Variants in AFP observed in about 807,000 individuals in gnomAD.
AFP encodes the protein alpha fetoprotein.
A neutral mutation model predicts 78.9 loss-of-function variants in AFP; 64 were observed. The ratio of observed to expected loss-of-function variants is 0.81; its 90% CI spans 0.66 to 1.00. The LOEUF is 1.00. Ranked by LOEUF, AFP falls within the 50% of genes least tolerant of loss-of-function variation. The pLI, the probability that AFP is intolerant of heterozygous loss-of-function variation, is 0.00. For synonymous variants in AFP, 254 were observed against 243.8 expected (o/e 1.04, Z -0.39); for missense variants, 689 against 703.8 (o/e 0.98, Z 0.24).
At chr4:73,454,113 G>T (rs940891513) in intron 13 of AFP, among the ~76,000 whole-genome samples, 2 of 151,510 alleles carry the variant, frequency 1.3e-5, no homozygotes, top group Non-Finnish European at 2.9e-5. Flanking sequence ...TATATTAATA[G>T]AATTAGTAAT....
At chr4:73,453,582 AC>A in intron 12 of AFP, 182 bp from the exon 13 acceptor site, 2 of 662,482 alleles carry the variant, frequency 3.0e-6, no homozygotes, top group Non-Finnish European at 5.2e-6. Context: ...CTGGTGGAAC[AC>A]TTGGCATGCT....
chr4:73,449,447 C>T lies in AFP; in HGVS notation c.1171C>T (p.Leu391Phe), dbSNP rs373915432. The change falls in exon 9 of 15, where the codon CTT becomes TTT. Residue 391 changes from leucine (L) to phenylalanine (F), a missense_variant. Physicochemically the swap from Leu to Phe is conservative, Grantham distance 22. Coordinates refer to ENST00000395792, the MANE Select transcript of AFP (RefSeq NM_001134.3). Reference sequence around the variant, plus strand: ...GAAGTGTTTCCAGACTGAAAACCCTCTTGAATGCCAAGATAAAGGAGTAAG... The same window carrying T: ...GAAGTGTTTCCAGACTGAAAACCCTTTTGAATGCCAAGATAAAGGAGTAAG... ...LEKCFQTENP[L>F]ECQDKGEEEL... 3.6e-5 allele frequency: 58 copies of T among 1,613,546 alleles called. No homozygotes were observed. The South Asian group carries it at 3.6e-4, about 10-fold the overall frequency.
intron 4 of AFP, 129 bp downstream of exon 4, chr4:73,440,942 C>A: frequency 1.1e-6 from 1 of 933,794 alleles, no homozygotes; most frequent in Non-Finnish European, 1.6e-6. Flanking sequence ...GTTGTGTCTG[C>A]TGAGGTCCCA....
chr4:73,442,513 T>A, intron 5 of AFP, 85 bp downstream of exon 5: 1 of 1,502,724 alleles, frequency 6.7e-7, no homozygotes, highest in Non-Finnish European at 9.2e-7. Context: ...AAAACGTGCT[T>A]AATTGTGGAG....
At chr4:73,455,140 A>G in intron 13 of AFP, 96 bp from the exon 14 acceptor site, 2 of 1,003,428 alleles carry the variant, frequency 2.0e-6, no homozygotes, top group Admixed American at 1.7e-5. Flanking sequence ...GTTAATCTAC[A>G]AACCTATGAA....
At position 73,447,583 on chromosome 4, in the gene AFP, AACC is replaced by A. The variant is rs757901114; in HGVS notation, c.966_968del (p.Lys322_Pro323delinsAsn). 59 of 1,612,492 alleles carry A rather than the reference AACC, an allele frequency of 3.7e-5. No homozygotes were observed. Among genetic ancestry groups the A allele is most frequent in the Admixed American group, 1.7e-5 (1 of 59,990 alleles). The stretch of plus-strand genomic sequence containing the variant: ...ATAATTCATGCAGAAAATGATGAAA[AACC>A]TGAAGGTCTATCTCCAAATCTAAAC... On this transcript the variant is annotated inframe_deletion, in exon 8 of 15. Transcript: ENST00000395792.
rs749290847 is a variant in AFP, at chr4:73,450,028, A to G, written c.1192-8A>G. 1 of 1,603,220 alleles carries G rather than the reference A, an allele frequency of 6.2e-7. No homozygotes were observed. Among genetic ancestry groups the G allele is most frequent in the Non-Finnish European group, 8.5e-7 (1 of 1,170,966 alleles). On this transcript the variant is annotated splice_region_variant and splice_polypyrimidine_tract_variant and intron_variant, in intron 9 of 14. Coordinates refer to ENST00000395792, the MANE Select transcript of AFP (RefSeq NM_001134.3). ...AAAAATGTATATGTAATAATTCTTC[A>G]TTTTCAGGAAGAAGAATTACAGAAA... is the stretch of plus-strand genomic sequence containing the variant.
intron 8 of AFP, among the ~76,000 whole-genome samples, chr4:73,448,255 T>C (rs1719891052): frequency 6.6e-6 from 1 of 152,144 alleles, no homozygotes; most frequent in Non-Finnish European, 1.5e-5. Flanking sequence ...TAGGTCACGT[T>C]CTCACTCTAT....
At chr4:73,447,358 C>A in intron 7 of AFP, 104 bp from the exon 8 acceptor site, 1 of 694,514 alleles carries the variant, frequency 1.4e-6, no homozygotes. Flanking sequence ...TTTCTTTGTT[C>A]CCTTCTCCCT....
intron 2 of AFP, 147 bp from the exon 3 acceptor site, chr4:73,438,027 C>A: frequency 8.6e-7 from 1 of 1,169,116 alleles, no homozygotes; most frequent in South Asian, 1.6e-5. Context: ...GACCTGGAAG[C>A]TAATTTTACA....
At position 73,455,651 on chromosome 4, in the gene AFP, G is replaced by A. The variant is rs772440145; in HGVS notation, c.*31G>A. 37 of 695,452 alleles carry A rather than the reference G, an allele frequency of 5.3e-5. No homozygotes were observed. The highest frequency in any genetic ancestry group is 1.9e-4 in the Admixed American group (9 of 48,420). 43.1% of individuals were successfully genotyped at this position (695,452 alleles called of 1,614,324 possible). A position where few individuals can be genotyped will look rare whatever the true frequency, so the allele number is the denominator to read the frequency against. On this transcript the variant is annotated 3_prime_UTR_variant, in exon 15 of 15. Transcript: ENST00000395792. ...TGCAGGGGAAGAGAAGACAAAACGA[G>A]TCTTTCATTCGGTGTGAACTTTTCT...
intron 7 of AFP, among the ~76,000 whole-genome samples, chr4:73,446,929 G>A (rs1719847082): frequency 6.6e-6 from 1 of 152,194 alleles, no homozygotes; most frequent in African/African-American, 2.4e-5. Flanking sequence ...TGGGGAGAAA[G>A]CACTAAAACG....
At chr4:73,442,555 G>A (rs1719701101) in intron 5 of AFP, 127 bp downstream of exon 5, 2 of 1,131,442 alleles carry the variant, frequency 1.8e-6, no homozygotes, top group Non-Finnish European at 2.6e-6. Flanking sequence ...AAATAGTTCA[G>A]CAGTCTGATA....
rs1001123565 is a variant in AFP at position 73,455,749 on chromosome 4, A to G, written c.*129A>G. 8 of 649,504 alleles carry G rather than the reference A, an allele frequency of 1.2e-5. No homozygotes were observed. Among genetic ancestry groups the G allele is most frequent in the African/African-American group, 3.7e-5 (2 of 53,856 alleles). The allele number at this position is 649,504 out of a possible 1,614,324, so 40.2% of individuals were successfully genotyped here. A position where few individuals can be genotyped will look rare whatever the true frequency, so the allele number is the denominator to read the frequency against. ...AAAGACTTTTATGTGAGATTTCCTTATCACAGAAATAAAATATCTCCAAAT... is the reference window on the plus strand; with the variant it reads ...AAAGACTTTTATGTGAGATTTCCTTGTCACAGAAATAAAATATCTCCAAAT... On this transcript the variant is annotated 3_prime_UTR_variant, in exon 15 of 15. Transcript: ENST00000395792.
rs757110998 is a variant in AFP at position 73,450,111 on chromosome 4, G to C, written c.1267G>C (p.Gly423Arg). ...AAGCTGCGGCCTCTTCCAGAAACTAGGAGAATATTACTTACAAAATGCGTA... is the reference window on the plus strand; with the variant it reads ...AAGCTGCGGCCTCTTCCAGAAACTACGAGAATATTACTTACAAAATGCGTA... Reference protein sequence around the residue: ...KRSCGLFQKLGEYYLQNAFLV... With the variant: ...KRSCGLFQKLREYYLQNAFLV... The change falls in exon 10 of 15, where the codon GGA (glycine) becomes CGA (arginine). Residue 423 changes from glycine to arginine, a missense_variant. By Grantham distance (125) the Gly-to-Arg change is moderately radical (BLOSUM62 -2). Transcript: ENST00000395792. 1 of 1,612,730 alleles carries C rather than the reference G, an allele frequency of 6.2e-7. No homozygotes were observed.
Position 73,455,848 on chromosome 4 carries a change from AG to A in AFP, c.*229del. 1.8e-6 allele frequency: 1 copy of A among 568,408 alleles called. No individual in the cohort carries two copies. The highest frequency in any genetic ancestry group is 3.1e-6 in the Non-Finnish European group (1 of 325,024). The allele number at this position is 568,408 out of a possible 1,614,324, so 35.2% of individuals were successfully genotyped here. A position where few individuals can be genotyped will look rare whatever the true frequency, so the allele number is the denominator to read the frequency against. ...TTTAGTTTTGTATACCATTGTCTGA[AG>A]CAGATTCTGTTAAAATAGCATTAAG... is the stretch of plus-strand genomic sequence containing the variant. On this transcript the variant is annotated 3_prime_UTR_variant, in exon 15 of 15. Transcript: ENST00000395792.
intron 6 of AFP, 131 bp downstream of exon 6, chr4:73,443,575 A>G: frequency 1.4e-6 from 1 of 708,674 alleles, no homozygotes. Flanking sequence ...GATGAGGGCT[A>G]ATGGGATTAG....
intron 11 of AFP, 86 bp from the exon 12 acceptor site, chr4:73,452,315 T>A: frequency 9.5e-7 from 1 of 1,053,708 alleles, no homozygotes; most frequent in South Asian, 1.3e-5. Flanking sequence ...GCATTAGAAA[T>A]TATTGCAGCA....
Position 73,450,263 on chromosome 4 carries a change from C to T in AFP, c.1289+130C>T, listed in dbSNP as rs545361914. 248 of 808,216 alleles carry T rather than the reference C, an allele frequency of 3.1e-4. 1 individual carries two copies. In the South Asian group the frequency reaches 4.1e-3, roughly 13 times the overall value. The allele number at this position is 808,216 out of a possible 1,614,324, so 50.1% of individuals were successfully genotyped here. A position where few individuals can be genotyped will look rare whatever the true frequency, so the allele number is the denominator to read the frequency against. ...TGATCTGTGGTATTGACTTTAAGTTCCCCATACTGTGCAAATTTTTGCAGT... is the reference window on the plus strand; with the variant it reads ...TGATCTGTGGTATTGACTTTAAGTTTCCCATACTGTGCAAATTTTTGCAGT... On this transcript the variant is annotated intron_variant, in intron 10 of 14. Coordinates refer to ENST00000395792, the MANE Select transcript of AFP (RefSeq NM_001134.3).
Sources: gnomAD v4.1 joint callset for allele counts (sites outside exome capture counted in the v4.1 genomes callset) on GRCh38, gnomAD v4.1.1 for gene constraint, MANE v1.5 for transcripts, NCBI Gene and HGNC (gene_info 2026-07-23, HGNC 2026-07-21) for gene names.